AIRE: variants seen among roughly 807,000 people sequenced by gnomAD.
The protein encoded by AIRE is autoimmune regulator.
In AIRE, 52 loss-of-function variants were observed where a neutral mutation model predicts 62.1. That is an observed-to-expected ratio of 0.84 (90% CI 0.67 to 1.06). The LOEUF (loss-of-function observed/expected upper bound fraction) is 1.06, where lower values mean the gene tolerates loss of function less well. Among genes scored for constraint, AIRE ranks in the 50% least tolerant of loss-of-function variants. The pLI, the probability that AIRE is intolerant of heterozygous loss-of-function variation, is 0.00. For synonymous variants in AIRE, 342 were observed against 321.6 expected (o/e 1.06, Z -0.68); for missense variants, 774 against 755.8 (o/e 1.02, Z -0.28).
chr21:44,293,820 G>A lies in AIRE; in HGVS notation c.1310G>A (p.Cys437Tyr). 6.3e-7 allele frequency: 1 copy of A among 1,596,828 alleles called. No homozygotes were observed. Among genetic ancestry groups the A allele is most frequent in the Non-Finnish European group, 8.5e-7 (1 of 1,179,586 alleles). Residue 437 changes from cysteine (C) to tyrosine (Y), a missense_variant, in exon 11 of 14, where the codon TGC becomes TAC. Physicochemically the swap from Cys to Tyr is radical, Grantham distance 194 (BLOSUM62 -2). Transcript: ENST00000291582. ...NLAPGARCGVCGDGTDVLRCT... is the reference protein window; with the variant it reads ...NLAPGARCGVYGDGTDVLRCT... ...GCTCCTGGTGCGCGTTGCGGGGTGT[G>A]CGGAGATGGTACGGACGTGCTGCGG... is the stretch of plus-strand genomic sequence containing the variant.
In AIRE at chr21:44,291,083, T is replaced by C. The variant is rs773506800; in HGVS notation, c.880-12T>C. On this transcript the variant is annotated splice_polypyrimidine_tract_variant and intron_variant, in intron 7 of 13. Transcript: ENST00000291582. ...CAGCCCAGTCTGCATGGGCGTCTCT[T>C]GCCTGTGCCAGAAGAATGAGGACGA... The C allele has an allele frequency of 2.5e-6, 4 of 1,613,008 alleles. No homozygotes were observed. The highest frequency in any genetic ancestry group is 3.4e-6 in the Non-Finnish European group (4 of 1,179,814).
chr21:44,288,102 C>G (rs1414695255), intron 4 of AIRE, among the ~76,000 whole-genome samples: 1 of 149,116 alleles, frequency 6.7e-6, no homozygotes, highest in Admixed American at 6.6e-5. Flanking sequence ...ATTGTGCCAG[C>G]TCTGCTGACA....
rs373985995 is a variant in AIRE at position 44,293,133 on chromosome 21, G to A, written c.1236G>A (p.Ser412=). Residue 412 remains serine, a synonymous_variant, in exon 10 of 14, where the codon TCG becomes TCA. Coordinates refer to ENST00000291582, the MANE Select transcript of AIRE (RefSeq NM_000383.4). ...SAAPLPGLDS[S]ALHPLLCVGP... Reference sequence around the variant, plus strand: ...CCCCGCTGCCAGGGCTGGACTCCTCGGCCCTGCACCCCCTACTGTGTGTGG... The same window carrying A: ...CCCCGCTGCCAGGGCTGGACTCCTCAGCCCTGCACCCCCTACTGTGTGTGG... 2.6e-5 allele frequency: 42 copies of A among 1,590,110 alleles called. No individual in the cohort carries two copies. In the African/African-American group the frequency reaches 3.1e-4, roughly 12 times the overall value.
Position 44,285,987 on chromosome 21 carries a change from C to T in AIRE, c.-20C>T, listed in dbSNP as rs2040477053. The T allele has an allele frequency of 6.6e-7, 1 of 1,525,614 alleles. No individual in the cohort carries two copies. Among genetic ancestry groups the T allele is most frequent in the Non-Finnish European group, 8.8e-7 (1 of 1,141,506 alleles). The allele number at this position is 1,525,614 out of a possible 1,614,324, so 94.5% of individuals were successfully genotyped here. A position where few individuals can be genotyped will look rare whatever the true frequency, so the allele number is the denominator to read the frequency against. ...GGACCCACCGCGTCCGCCCCAGCCC[C>T]GGGTCCCCGCGCCCACCCCATGGCG... is the stretch of plus-strand genomic sequence containing the variant. On this transcript the variant is annotated 5_prime_UTR_variant, in exon 1 of 14. Transcript: ENST00000291582.
At chr21:44,295,314 G>A (rs1042902961) in intron 12 of AIRE, among the ~76,000 whole-genome samples, 2 of 152,026 alleles carry the variant, frequency 1.3e-5, no homozygotes, top group African/African-American at 2.4e-5. Flanking sequence ...CTACCCCAGC[G>A]TGGTACTCCC....
Position 44,297,194 on chromosome 21 carries a change from C to A in AIRE, c.1567-462C>A, listed in dbSNP as rs752502143. Reference sequence around the variant, plus strand: ...CCCCGGGTATAGCTGGAGAAATGAGCGACGGGCTCACAGCCTCTCCCGGGT... The same window carrying A: ...CCCCGGGTATAGCTGGAGAAATGAGAGACGGGCTCACAGCCTCTCCCGGGT... On this transcript the variant is annotated intron_variant, in intron 13 of 13. Transcript: ENST00000291582. This position sits in a 1 kb window ranked among gnomAD's most constrained non-coding sequence, Gnocchi z 4.8. Among the ~76,000 whole-genome samples the A allele has an allele frequency of 8.5e-5, 13 of 152,196 alleles. No individual in the cohort carries two copies. The highest frequency in any genetic ancestry group is 1.3e-4 in the Non-Finnish European group (9 of 68,016).
intron 9 of AIRE, among the ~76,000 whole-genome samples, chr21:44,292,611 AC>A (rs375864049): frequency 3.9e-5 from 6 of 152,018 alleles, no homozygotes; most frequent in African/African-American, 1.2e-4. Context: ...GTGGGCCTAA[AC>A]CCAGCTCTCC....
At position 44,293,134 on chromosome 21, in the gene AIRE, G is replaced by A. The variant is rs267606154; in HGVS notation, c.1237G>A (p.Ala413Thr). 9.4e-6 allele frequency: 15 copies of A among 1,589,922 alleles called. No homozygotes were observed. The South Asian group carries it at 1.6e-4, about 17-fold the overall frequency. Reference sequence around the variant, plus strand: ...CCCGCTGCCAGGGCTGGACTCCTCGGCCCTGCACCCCCTACTGTGTGTGGG... The same window carrying A: ...CCCGCTGCCAGGGCTGGACTCCTCGACCCTGCACCCCCTACTGTGTGTGGG... ...AAPLPGLDSS[A>T]LHPLLCVGPE... Residue 413 changes from alanine (A) to threonine (T), a missense_variant, in exon 10 of 14, where the codon GCC (alanine) becomes ACC (threonine). Physicochemically the swap from Ala to Thr is moderately conservative, Grantham distance 58 (BLOSUM62 0). Coordinates refer to ENST00000291582, the MANE Select transcript of AIRE (RefSeq NM_000383.4).
In AIRE at chr21:44,287,483, G is replaced by T; in HGVS notation, c.464-34G>T. On this transcript the variant is annotated intron_variant, in intron 3 of 13. Coordinates refer to ENST00000291582, the MANE Select transcript of AIRE (RefSeq NM_000383.4). This position sits in a 1 kb window ranked among gnomAD's most constrained non-coding sequence, Gnocchi z 4.3. ...CACCGGCACTCACCCCCACTGAGAG[G>T]GGAGGCCAGGCTGCCCCCAGCTCCC... 6.6e-7 allele frequency: 1 copy of T among 1,512,448 alleles called. No homozygotes were observed. Among genetic ancestry groups the T allele is most frequent in the South Asian group, 1.2e-5 (1 of 83,162 alleles). The allele number at this position is 1,512,448 out of a possible 1,614,324, so 93.7% of individuals were successfully genotyped here.
chr21:44,290,794 T>C, intron 7 of AIRE: 11 of 1,499,796 alleles, frequency 7.3e-6, no homozygotes, highest in Non-Finnish European at 9.0e-6. Flanking sequence ...CACTGCCCTG[T>C]GAGGAAGGGT....
rs752897977 is a variant in AIRE, at chr21:44,293,076, C to T, written c.1179C>T (p.Val393=). The T allele has an allele frequency of 2.5e-6, 4 of 1,612,102 alleles. No individual in the cohort carries two copies. Among genetic ancestry groups the T allele is most frequent in the South Asian group, 1.1e-5 (1 of 91,060 alleles). The change falls in exon 10 of 14, where the codon GTC becomes GTT. Residue 393 remains valine (V), a synonymous_variant. Transcript: ENST00000291582. The stretch of plus-strand genomic sequence containing the variant: ...TAGCCGGCATGGACACGACTCTTGT[C>T]TACAAGCACCTGCCGGCTCCGCCTT... ...EPLAGMDTTL[V]YKHLPAPPSA... is the part of the protein sequence containing the mutation.
rs1374526162 is a variant in AIRE at position 44,290,298 on chromosome 21, C to A, written c.879+230C>A. 4 of 985,340 alleles carry A rather than the reference C, an allele frequency of 4.1e-6. No homozygotes were observed. The African/African-American group carries it at 7.0e-5, about 17-fold the overall frequency. The allele number at this position is 985,340 out of a possible 1,614,324, so 61.0% of individuals were successfully genotyped here. A position where few individuals can be genotyped will look rare whatever the true frequency, so the allele number is the denominator to read the frequency against. On this transcript the variant is annotated intron_variant, in intron 7 of 13. Transcript: ENST00000291582. ...TGAGGTCTTCTCAGGCTCTTAAGAG[C>A]ATGGCGTTTGGTCCAGGCTGTACCC...
intron 12 of AIRE, 21 bp from the exon 13 acceptor site, chr21:44,296,362 C>T: frequency 6.2e-7 from 1 of 1,609,868 alleles, no homozygotes; most frequent in Non-Finnish European, 8.5e-7. Context: ...GGGCTGACCT[C>T]TTCTCTTTAC....
Position 44,291,192 on chromosome 21 carries a change from C to T in AIRE, c.977C>T (p.Pro326Leu), listed in dbSNP as rs179363885. 28 of 1,600,308 alleles carry T rather than the reference C, an allele frequency of 1.7e-5. No individual in the cohort carries two copies. Among genetic ancestry groups the T allele is most frequent in the South Asian group, 2.2e-5 (2 of 91,016 alleles). ...RAFHLACLSP[P>L]LREIPSGTWR... ...TTCCACCTGGCCTGCCTGTCCCCTCCGCTCCGGGAGATCCCCAGGTGAGCC... is the reference window on the plus strand; with the variant it reads ...TTCCACCTGGCCTGCCTGTCCCCTCTGCTCCGGGAGATCCCCAGGTGAGCC... The change falls in exon 8 of 14, where the codon CCG becomes CTG. Residue 326 changes from proline (P) to leucine (L), a missense_variant. By Grantham distance (98) the Pro-to-Leu change is moderately conservative. Transcript: ENST00000291582.
Position 44,287,678 on chromosome 21 carries a change from C to A in AIRE, c.538+87C>A. The A allele has an allele frequency of 7.3e-7, 1 of 1,361,358 alleles. No homozygotes were observed. The highest frequency in any genetic ancestry group is 1.3e-5 in the South Asian group (1 of 79,798). The allele number at this position is 1,361,358 out of a possible 1,614,324, so 84.3% of individuals were successfully genotyped here. Reference sequence around the variant, plus strand: ...CAGAGCAGGGCCTGCCCTCTGAGACCCTGTCCTAGGGGCTGGGGACGTGCT... The same window carrying A: ...CAGAGCAGGGCCTGCCCTCTGAGACACTGTCCTAGGGGCTGGGGACGTGCT... On this transcript the variant is annotated intron_variant, in intron 4 of 13. Coordinates refer to ENST00000291582, the MANE Select transcript of AIRE (RefSeq NM_000383.4). This position sits in a 1 kb window ranked among gnomAD's most constrained non-coding sequence, Gnocchi z 4.3.
chr21:44,288,688 C>G, intron 5 of AIRE: 1 of 543,894 alleles, frequency 1.8e-6, no homozygotes, highest in Non-Finnish European at 3.3e-6. Context: ...ACATCCCCAC[C>G]CGGGATGTAC....
rs1443107040 is a variant in AIRE, at chr21:44,286,084, C to T, written c.78C>T (p.Phe26=). ...TCGCGGTGGCCGTGGACAGCGCCTT[C>T]CCACTGCTGCACGCGCTGGCTGACC... ...TEIAVAVDSA[F]PLLHALADHD... is the part of the protein sequence containing the mutation. Residue 26 remains phenylalanine, a synonymous_variant, in exon 1 of 14, where the codon TTC becomes TTT. Coordinates refer to ENST00000291582, the MANE Select transcript of AIRE (RefSeq NM_000383.4). The surrounding 1 kb of genome is among the most constrained non-coding windows in gnomAD (Gnocchi z 6.0). The T allele has an allele frequency of 6.5e-7, 1 of 1,545,672 alleles. No individual in the cohort carries two copies. Among genetic ancestry groups the T allele is most frequent in the Admixed American group, 2.0e-5 (1 of 50,982 alleles).
chr21:44,296,749 G>C (rs951034706), intron 13 of AIRE, among the ~76,000 whole-genome samples: 7 of 150,982 alleles, frequency 4.6e-5, no homozygotes, highest in Non-Finnish European at 7.4e-5. Context: ...CCTCCCCTGA[G>C]GGCCTGCACC....
intron 10 of AIRE, 152 bp downstream of exon 10, chr21:44,293,327 T>TGGGGGTTGGGGGGGGGGGGGGGGGGGGG: frequency 9.2e-6 from 1 of 109,044 alleles, no homozygotes; most frequent in East Asian, 1.7e-4. Context: ...CGTGGGGGGC[T>TGGGGGTTGGGGGGGGGGGGGGGGGGGGG]GCGGGGGGAA....
Sources: allele counts gnomAD v4.1 joint callset (sites outside exome capture counted in the v4.1 genomes callset), GRCh38; gene constraint gnomAD v4.1.1; non-coding constraint Gnocchi (gnomAD v3.1); transcripts MANE v1.5; gene names NCBI Gene and HGNC (gene_info 2026-07-23, HGNC 2026-07-21).